The following ABCC4 variants were observed in gnomAD, a reference collection of about 807,000 sequenced individuals.
The protein encoded by ABCC4 is ATP-binding cassette sub-family C member 4.
In ABCC4, 102 loss-of-function variants were observed where a neutral mutation model predicts 168.5. The observed-to-expected ratio is 0.61, with a 90% confidence interval of 0.52 to 0.71. The LOEUF is 0.71. Among genes scored for constraint, ABCC4 ranks in the 30% least tolerant of loss-of-function variants. The pLI is 0.00. For synonymous variants in ABCC4, 617 were observed against 590.7 expected (o/e 1.04, Z -0.65); for missense variants, 1,402 against 1,605.8 (o/e 0.87, Z 2.17).
chr13:95,236,627 C>T (rs1171796569), intron 3 of ABCC4, among the ~76,000 whole-genome samples: 2 of 152,192 alleles, frequency 1.3e-5, no homozygotes, highest in African/African-American at 4.8e-5. Flanking sequence ...CACACTCTCT[C>T]TCACACACTT....
intron 4 of ABCC4, among the ~76,000 whole-genome samples, chr13:95,214,014 C>A (rs1054998776): frequency 5.3e-5 from 8 of 151,886 alleles, no homozygotes; most frequent in Non-Finnish European, 1.0e-4. Flanking sequence ...TATGAAGCAC[C>A]TATTATAATA....
chr13:95,021,790 C>G (rs966880724), intron 30 of ABCC4, 108 bp from the exon 31 acceptor site: 2 of 739,958 alleles, frequency 2.7e-6, no homozygotes, highest in Non-Finnish European at 4.4e-6. Flanking sequence ...CAAATCATAT[C>G]CCTCACTGAG....
At chr13:95,109,043 T>C (rs1157655032) in intron 20 of ABCC4, among the ~76,000 whole-genome samples, 2 of 152,210 alleles carry the variant, frequency 1.3e-5, no homozygotes, top group Non-Finnish European at 2.9e-5. Flanking sequence ...GTCTGTTTAT[T>C]GTCGACCTCC....
At chr13:95,285,309 G>A (rs2138931110) in intron 1 of ABCC4, among the ~76,000 whole-genome samples, 1 of 151,910 alleles carries the variant, frequency 6.6e-6, no homozygotes, top group Middle Eastern at 3.4e-3. Context: ...CCAGCACATT[G>A]GGAGGCTGAG....
chr13:95,163,621 C>T lies in ABCC4; in HGVS notation c.2202G>A (p.Trp734Ter), dbSNP rs1273279011. ...CAGAAATAACTTACCAGTATGAAAG[C>T]CACCAATCTTGAAGCACATAGGCAA... ...AQVAYVLQDW[W>*]LSYWANKQSM... The change falls in exon 17 of 31, where the codon TGG becomes TGA. Residue 734 changes from tryptophan to a stop codon, truncating the protein, a stop_gained. Transcript: ENST00000645237. LOFTEE classifies it high-confidence loss of function. The T allele has an allele frequency of 6.2e-7, 1 of 1,612,292 alleles. No individual in the cohort carries two copies. The highest frequency in any genetic ancestry group is 1.3e-5 in the African/African-American group (1 of 74,798).
At chr13:95,207,685 A>T in intron 7 of ABCC4, 115 bp downstream of exon 7, 1 of 1,116,146 alleles carries the variant, frequency 9.0e-7, no homozygotes, top group Non-Finnish European at 1.3e-6. Flanking sequence ...GGGGACTGGG[A>T]TGGATTGTAC....
In ABCC4 at chr13:95,120,295, G is replaced by A. The variant is rs151240145; in HGVS notation, c.2456-4294C>T. ...AAGAATTGGCCTTTGAGCCAGGCGC[G>A]GTGGCTCATGCCTATAATCCCAGCA... On this transcript the variant is annotated intron_variant, in intron 19 of 30. Coordinates refer to ENST00000645237, the MANE Select transcript of ABCC4 (RefSeq NM_005845.5). 1.2e-3 allele frequency among the ~76,000 whole-genome samples: 189 copies of A among 152,220 alleles called. 1 individual carries two copies. Among genetic ancestry groups the A allele is most frequent in the Admixed American group, 1.6e-3 (24 of 15,286 alleles).
chr13:95,214,110 G>C (rs1448881284), intron 4 of ABCC4, among the ~76,000 whole-genome samples: 5 of 152,100 alleles, frequency 3.3e-5, no homozygotes, highest in African/African-American at 1.2e-4. Flanking sequence ...GAACCAAATA[G>C]AACTTCTCAA....
rs776805482 is a variant in ABCC4, at chr13:95,187,179, A to G, written c.1354-287T>C. On this transcript the variant is annotated intron_variant, in intron 10 of 30. Transcript: ENST00000645237. ...GAAATGGTACACGGAACAAAGATCAACTAAGAATGTTTACAGCAACAGAGT... is the reference window on the plus strand; with the variant it reads ...GAAATGGTACACGGAACAAAGATCAGCTAAGAATGTTTACAGCAACAGAGT... Among the ~76,000 whole-genome samples, 158 of 152,242 alleles carry G rather than the reference A, an allele frequency of 1.0e-3. 4 individuals carry two copies. Among genetic ancestry groups the G allele is most frequent in the Admixed American group, 3.3e-4 (5 of 15,284 alleles).
chr13:95,061,812 C>G (rs1436038106), intron 26 of ABCC4, among the ~76,000 whole-genome samples: 1 of 151,996 alleles, frequency 6.6e-6, no homozygotes, highest in Non-Finnish European at 1.5e-5. Context: ...AGCTGCAGAC[C>G]CCATGCCGGT....
chr13:95,142,716 A>C (rs1412660059), intron 19 of ABCC4, among the ~76,000 whole-genome samples: 2 of 152,212 alleles, frequency 1.3e-5, no homozygotes, highest in Non-Finnish European at 2.9e-5. Flanking sequence ...ATTAGATCTT[A>C]TCATCATACT....
intron 1 of ABCC4, among the ~76,000 whole-genome samples, chr13:95,263,850 A>T (rs575273471): frequency 6.6e-6 from 1 of 152,072 alleles, no homozygotes; most frequent in Non-Finnish European, 1.5e-5. Flanking sequence ...CATAGTACCC[A>T]GCACTCTTTC....
intron 4 of ABCC4, among the ~76,000 whole-genome samples, chr13:95,231,076 G>A (rs1363317328): frequency 1.3e-5 from 2 of 152,168 alleles, no homozygotes; most frequent in Non-Finnish European, 2.9e-5. Context: ...AATACCTAGA[G>A]TCATCAAATT....
At position 95,266,661 on chromosome 13, in the gene ABCC4, C is replaced by T. The variant is rs118158633; in HGVS notation, c.75-18908G>A. Among the ~76,000 whole-genome samples, 7 of 152,210 alleles carry T rather than the reference C, an allele frequency of 4.6e-5. No individual in the cohort carries two copies. In the East Asian group the frequency reaches 1.4e-3, roughly 29 times the overall value. ...GCAGAGTTCAGAGCCCTCGCACCAACAAGCGACAGGCTCTCGGGAGCCAGC... is the reference window on the plus strand; with the variant it reads ...GCAGAGTTCAGAGCCCTCGCACCAATAAGCGACAGGCTCTCGGGAGCCAGC... On this transcript the variant is annotated intron_variant, in intron 1 of 30. Coordinates refer to ENST00000645237, the MANE Select transcript of ABCC4 (RefSeq NM_005845.5).
In ABCC4 at chr13:95,197,936, G is replaced by A. The variant is rs957198197; in HGVS notation, c.1162-2999C>T. Among the ~76,000 whole-genome samples, 3 of 152,054 alleles carry A rather than the reference G, an allele frequency of 2.0e-5. No individual in the cohort carries two copies. The South Asian group carries it at 6.2e-4, about 32-fold the overall frequency. ...TTCATTTTCTGTACATGGAAAAAAG[G>A]AAATTGAAAAGTATGAGTAAGAAAG... On this transcript the variant is annotated intron_variant, in intron 8 of 30. Coordinates refer to ENST00000645237, the MANE Select transcript of ABCC4 (RefSeq NM_005845.5).
chr13:95,296,216 G>A lies in ABCC4; in HGVS notation c.74+5025C>T, dbSNP rs191302766. ...CAAAATTAAATGGCCAGGAATAGTGGCTCATTCCTGTAATCCCAACGCTTG... is the reference window on the plus strand; with the variant it reads ...CAAAATTAAATGGCCAGGAATAGTGACTCATTCCTGTAATCCCAACGCTTG... On this transcript the variant is annotated intron_variant, in intron 1 of 30. Coordinates refer to ENST00000645237, the MANE Select transcript of ABCC4 (RefSeq NM_005845.5). 2.0e-5 allele frequency among the ~76,000 whole-genome samples: 3 copies of A among 150,458 alleles called. No homozygotes were observed. In the East Asian group the frequency reaches 5.9e-4, roughly 30 times the overall value.
chr13:95,243,061 C>T (rs999423337), intron 3 of ABCC4, among the ~76,000 whole-genome samples: 2 of 152,162 alleles, frequency 1.3e-5, no homozygotes, highest in Non-Finnish European at 2.9e-5. Flanking sequence ...AATTTTATAC[C>T]ATAAACCACC....
At chr13:95,281,174 G>T (rs928447088) in intron 1 of ABCC4, among the ~76,000 whole-genome samples, 6 of 151,804 alleles carry the variant, frequency 4.0e-5, no homozygotes, top group African/African-American at 1.5e-4. Flanking sequence ...GCTGGGTGTG[G>T]TGGTGCAAGC....
At chr13:95,029,897 T>C (rs1167429659) in intron 30 of ABCC4, among the ~76,000 whole-genome samples, 3 of 152,178 alleles carry the variant, frequency 2.0e-5, no homozygotes, top group South Asian at 4.1e-4. Context: ...GGGTGACTTC[T>C]GTAAGGCCAT....
Sources: allele counts gnomAD v4.1 joint callset (sites outside exome capture counted in the v4.1 genomes callset), GRCh38; gene constraint gnomAD v4.1.1; transcripts MANE v1.5; gene names NCBI Gene and HGNC (gene_info 2026-07-23, HGNC 2026-07-21).